TLK1: variants seen among roughly 807,000 people sequenced by gnomAD.
TLK1 encodes serine/threonine-protein kinase tousled-like 1.
In TLK1, 24 loss-of-function variants were observed where a neutral mutation model predicts 105.3. The ratio of observed to expected loss-of-function variants is 0.23; its 90% CI spans 0.17 to 0.32. The LOEUF is 0.32. Among genes scored for constraint, TLK1 ranks in the 10% least tolerant of loss-of-function variants. The pLI is 1.00. For missense variants in TLK1, 558 were observed against 910.5 expected (o/e 0.61, Z 4.98); for synonymous variants, 321 against 310.4 (o/e 1.03, Z -0.36).
chr2:171,212,125 C>A (rs974455714), intron 1 of TLK1, among the ~76,000 whole-genome samples: 1 of 152,140 alleles, frequency 6.6e-6, no homozygotes, highest in Non-Finnish European at 1.5e-5. Context: ...CAGGCGTGAG[C>A]CACCATGCCT....
intron 2 of TLK1, among the ~76,000 whole-genome samples, chr2:171,097,209 C>T (rs1041405687): frequency 2.0e-5 from 3 of 152,078 alleles, no homozygotes; most frequent in African/African-American, 7.2e-5. Context: ...GCAAAAGTGC[C>T]GAGAACACAC....
chr2:171,028,399 A>G lies in TLK1; in HGVS notation c.1176T>C (p.Thr392=), dbSNP rs770993390. 2 of 1,606,200 alleles carry G rather than the reference A, an allele frequency of 1.2e-6. No homozygotes were observed. The highest frequency in any genetic ancestry group is 1.3e-5 in the African/African-American group (1 of 74,852). The change falls in exon 12 of 21, where the codon ACT becomes ACC. Residue 392 remains threonine (T), a synonymous_variant. Transcript: ENST00000431350. The part of the protein sequence containing the change: ...FVRPNLPQLL[T]LAEYHEQEEI... ...CTTCCTGTTCATGATATTCTGCCAA[A>G]GTCAACCTGTCAAAAATGAAATTTT... is the stretch of plus-strand genomic sequence containing the variant.
intron 1 of TLK1, among the ~76,000 whole-genome samples, chr2:171,144,410 GATCT>G (rs1221938668): frequency 6.6e-6 from 1 of 152,104 alleles, no homozygotes; most frequent in Non-Finnish European, 1.5e-5. Flanking sequence ...CAGGATAGAT[GATCT>G]ATGCTAGACC....
chr2:171,156,583 T>C (rs1692243328), intron 1 of TLK1, among the ~76,000 whole-genome samples: 1 of 152,218 alleles, frequency 6.6e-6, no homozygotes, highest in Non-Finnish European at 1.5e-5. Context: ...TCTCCTCTAA[T>C]ATGTAAATGT....
At chr2:171,132,446 AC>A (rs201056957) in intron 1 of TLK1, among the ~76,000 whole-genome samples, 84 of 151,416 alleles carry the variant, frequency 5.5e-4, no homozygotes, top group South Asian at 1.9e-3. Flanking sequence ...AAAGTTACTT[AC>A]CCCCCCCAAC....
intron 3 of TLK1, among the ~76,000 whole-genome samples, chr2:171,078,084 T>A (rs1389536447): frequency 6.6e-6 from 1 of 152,162 alleles, no homozygotes; most frequent in Non-Finnish European, 1.5e-5. Flanking sequence ...GAATTCCAGA[T>A]ATCTTCTACT....
chr2:171,168,703 A>G (rs1692660066), intron 1 of TLK1, among the ~76,000 whole-genome samples: 1 of 152,226 alleles, frequency 6.6e-6, no homozygotes, highest in South Asian at 2.1e-4. Context: ...GGGAGATAAG[A>G]TGATGCTAAG....
chr2:171,081,679 A>G, intron 3 of TLK1: 1 of 1,304,294 alleles, frequency 7.7e-7, no homozygotes, highest in Non-Finnish European at 1.0e-6. Context: ...CGTCACTTGC[A>G]CAGTCCTTTC....
chr2:171,135,321 A>G (rs62169012), intron 1 of TLK1, among the ~76,000 whole-genome samples: 1,336 of 52,644 alleles, frequency 0.025, 8 homozygotes, highest in African/African-American at 0.12. Flanking sequence ...GTGTGTGTGT[A>G]TATATATATA....
intron 11 of TLK1, among the ~76,000 whole-genome samples, chr2:171,038,080 T>A (rs1686461370): frequency 6.6e-6 from 1 of 152,214 alleles, no homozygotes; most frequent in African/African-American, 2.4e-5. Flanking sequence ...TCAGTTTTGG[T>A]TCCACTGTAT....
intron 11 of TLK1, among the ~76,000 whole-genome samples, chr2:171,033,113 G>C (rs527794324): frequency 6.6e-6 from 1 of 150,912 alleles, no homozygotes; most frequent in South Asian, 2.1e-4. Flanking sequence ...GGTTGAGAAA[G>C]GAGAATCGCT....
intron 2 of TLK1, among the ~76,000 whole-genome samples, chr2:171,114,226 T>C (rs371497418): frequency 6.6e-6 from 1 of 152,156 alleles, no homozygotes; most frequent in African/African-American, 2.4e-5. Flanking sequence ...AGAATGATGG[T>C]GTATGGTAGG....
intron 1 of TLK1, among the ~76,000 whole-genome samples, chr2:171,152,371 T>G (rs1692076732): frequency 6.6e-6 from 1 of 152,120 alleles, no homozygotes; most frequent in Non-Finnish European, 1.5e-5. Context: ...ATTGGAAAAA[T>G]TTAATTCAAG....
At chr2:171,005,491 A>T (rs952617038) in intron 18 of TLK1, among the ~76,000 whole-genome samples, 1 of 152,196 alleles carries the variant, frequency 6.6e-6, no homozygotes, top group Non-Finnish European at 1.5e-5. Flanking sequence ...CACGCCTGTA[A>T]TCCAAGCACT....
intron 3 of TLK1, among the ~76,000 whole-genome samples, chr2:171,062,473 C>T (rs1687800617): frequency 6.6e-6 from 1 of 152,154 alleles, no homozygotes; most frequent in Admixed American, 6.6e-5. Flanking sequence ...AGTTCTCCCA[C>T]CTCCATTTTG....
chr2:171,212,887 GTT>G (rs1693645503), intron 1 of TLK1, among the ~76,000 whole-genome samples: 1 of 32,794 alleles, frequency 3.0e-5, no homozygotes, highest in African/African-American at 8.1e-5. Flanking sequence ...AGCAAAAAGC[GTT>G]TTGTTTTTTT....
intron 11 of TLK1, among the ~76,000 whole-genome samples, chr2:171,032,303 T>C (rs186510365): frequency 7.7e-4 from 117 of 152,148 alleles, no homozygotes; most frequent in African/African-American, 2.7e-3. Context: ...AATAAAACTA[T>C]CTATATTTGC....
At chr2:171,096,309 G>C (rs1341571174) in intron 2 of TLK1, among the ~76,000 whole-genome samples, 1 of 152,074 alleles carries the variant, frequency 6.6e-6, no homozygotes, top group Non-Finnish European at 1.5e-5. Context: ...AGACCAGCCT[G>C]ATCAACATAG....
intron 1 of TLK1, among the ~76,000 whole-genome samples, chr2:171,187,073 A>AG (rs1335783678): frequency 7.8e-6 from 1 of 128,304 alleles, no homozygotes; most frequent in African/African-American, 3.5e-5. Context: ...AAAAAAAAAA[A>AG]AAAAAAAAAA....
Sources: gnomAD v4.1 joint callset for allele counts (sites outside exome capture counted in the v4.1 genomes callset) on GRCh38, gnomAD v4.1.1 for gene constraint, MANE v1.5 for transcripts, NCBI Gene and HGNC (gene_info 2026-07-23, HGNC 2026-07-21) for gene names.